SYNE2: variants seen among roughly 807,000 people sequenced by gnomAD.
SYNE2 encodes nesprin-2.
A neutral mutation model predicts 856.3 loss-of-function variants in SYNE2; 431 were observed. The ratio of observed to expected loss-of-function variants is 0.50; its 90% CI spans 0.47 to 0.55. SYNE2 has a LOEUF of 0.55. SYNE2 is among the 20% of genes least tolerant of loss of function. The probability of loss-of-function intolerance (pLI) is 0.00; values close to 1 mark genes in which losing one functional copy is unlikely to be tolerated. For synonymous variants in SYNE2, 2,923 were observed against 2,872.3 expected (o/e 1.02, Z -0.56); for missense variants, 8,129 against 8,023.2 (o/e 1.01, Z -0.50).
rs529215996 is a variant in SYNE2 at position 63,979,105 on chromosome 14, T to A, written c.1569+91T>A. 1.0e-3 allele frequency: 1,437 copies of A among 1,368,898 alleles called. 14 individuals are homozygous for A. In the South Asian group the frequency reaches 0.016, roughly 15 times the overall value. 84.8% of individuals were successfully genotyped at this position (1,368,898 alleles called of 1,614,324 possible). A position where few individuals can be genotyped will look rare whatever the true frequency, so the allele number is the denominator to read the frequency against. ...CTTGGCATGATTTCCCATTAACTCT[T>A]CGGGTTTTGAGATGGGTTTTCTTGG... On this transcript the variant is annotated intron_variant, in intron 14 of 115. Coordinates refer to ENST00000555002, the MANE Select transcript of SYNE2 (RefSeq NM_182914.3).
intron 112 of SYNE2, 140 bp from the exon 113 acceptor site, chr14:64,223,049 T>C (rs1480017067): frequency 5.1e-6 from 4 of 783,580 alleles, no homozygotes; most frequent in Non-Finnish European, 8.8e-6. Flanking sequence ...CACAGGCAGA[T>C]ATGAGAAATA....
chr14:64,081,342 C>G lies in SYNE2; in HGVS notation c.11347-101C>G, dbSNP rs77543507. The G allele has an allele frequency of 0.029, 43,595 of 1,483,862 alleles. 862 individuals are homozygous for G. Among genetic ancestry groups the G allele is most frequent in the Admixed American group, 0.079 (4,665 of 59,348 alleles). The allele number at this position is 1,483,862 out of a possible 1,614,324, so 91.9% of individuals were successfully genotyped here. A position where few individuals can be genotyped will look rare whatever the true frequency, so the allele number is the denominator to read the frequency against. ...CATGGGGAGCAGACATCTGCAAGGC[C>G]TGACACACCCCTGACTAACAGCTAT... On this transcript the variant is annotated intron_variant, in intron 56 of 115. Transcript: ENST00000555002.
intron 2 of SYNE2, among the ~76,000 whole-genome samples, chr14:63,937,874 A>G: frequency 6.6e-6 from 1 of 152,054 alleles, no homozygotes; most frequent in East Asian, 1.9e-4. Flanking sequence ...AATGAAAGGT[A>G]GGATATCCTG....
In SYNE2 at chr14:64,081,481, G is replaced by A. The variant is rs34954189; in HGVS notation, c.11385G>A (p.Lys3795=). ...VKMEEYSDLL[K]STEAWIENTS... The stretch of plus-strand genomic sequence containing the variant: ...TGGAGGAATATAGTGACCTTCTGAA[G>A]AGCACTGAGGCTTGGATAGAAAATA... The change falls in exon 57 of 116, where the codon AAG becomes AAA. Residue 3795 remains lysine (K), a synonymous_variant. Transcript: ENST00000555002. The A allele has an allele frequency of 3.8e-3, 6,126 of 1,614,160 alleles. 216 individuals are homozygous for A. The African/African-American group carries it at 0.073, about 19-fold the overall frequency.
chr14:64,096,251 T>C (rs1348051926), intron 61 of SYNE2, among the ~76,000 whole-genome samples: 1 of 152,224 alleles, frequency 6.6e-6, no homozygotes, highest in Non-Finnish European at 1.5e-5. Context: ...TTACTATAAA[T>C]ACATCAAAGT....
At position 63,956,857 on chromosome 14, in the gene SYNE2, A is replaced by G. The variant is rs1308369713; in HGVS notation, c.787+1942A>G. Among the ~76,000 whole-genome samples, 5 of 152,310 alleles carry G rather than the reference A, an allele frequency of 3.3e-5. No individual in the cohort carries two copies. In the East Asian group the frequency reaches 9.6e-4, roughly 29 times the overall value. On this transcript the variant is annotated intron_variant, in intron 8 of 115. Coordinates refer to ENST00000555002, the MANE Select transcript of SYNE2 (RefSeq NM_182914.3). ...AGTCCTGGAACCAATTCCCGTGTATACCAAGGAGAACTGTATTCACAAAAT... is the reference window on the plus strand; with the variant it reads ...AGTCCTGGAACCAATTCCCGTGTATGCCAAGGAGAACTGTATTCACAAAAT...
chr14:64,219,120 T>G (rs2098681969), intron 109 of SYNE2, 88 bp from the exon 110 acceptor site: 1 of 1,022,460 alleles, frequency 9.8e-7, no homozygotes, highest in South Asian at 1.5e-5. Context: ...TTTTTTTTTT[T>G]TTTTAACCAC....
intron 45 of SYNE2, among the ~76,000 whole-genome samples, chr14:64,037,303 G>T (rs1376296510): frequency 6.6e-6 from 1 of 151,428 alleles, no homozygotes; most frequent in East Asian, 1.9e-4. Context: ...TGTGTCCCTG[G>T]GTACTTGAGA....
intron 2 of SYNE2, among the ~76,000 whole-genome samples, chr14:63,916,476 A>G (rs1329754182): frequency 6.6e-6 from 1 of 152,118 alleles, no homozygotes; most frequent in Non-Finnish European, 1.5e-5. Context: ...GATATTCCTG[A>G]GTTGTTATTG....
At chr14:63,818,215 G>A (rs1889080251) in intron 1 of SYNE2, among the ~76,000 whole-genome samples, 2 of 151,670 alleles carry the variant, frequency 1.3e-5, no homozygotes, top group South Asian at 2.1e-4. Flanking sequence ...CATGCCTGTA[G>A]TCCCAGCTAC....
intron 1 of SYNE2, among the ~76,000 whole-genome samples, chr14:63,883,793 C>T (rs2094919666): frequency 6.6e-6 from 1 of 151,346 alleles, no homozygotes; most frequent in Non-Finnish European, 1.5e-5. Context: ...CAGACACAAG[C>T]TTGAAGTTTT....
At chr14:64,075,769 C>T (rs1206358751) in intron 53 of SYNE2, 176 bp from the exon 54 acceptor site, 2 of 625,116 alleles carry the variant, frequency 3.2e-6, no homozygotes, top group Non-Finnish European at 5.7e-6. Flanking sequence ...TAGAAAGCAT[C>T]ATCTGACTAA....
chr14:64,090,443 T>C (rs530028142), intron 59 of SYNE2, among the ~76,000 whole-genome samples: 6 of 152,348 alleles, frequency 3.9e-5, no homozygotes, highest in Admixed American at 1.3e-4. Context: ...CTGGGACTCA[T>C]GCAGCACAGT....
chr14:63,864,770 G>T (rs1197146966), intron 1 of SYNE2, among the ~76,000 whole-genome samples: 1 of 152,134 alleles, frequency 6.6e-6, no homozygotes, highest in Non-Finnish European at 1.5e-5. Flanking sequence ...AAAAATAAAT[G>T]AATCTGGGAT....
chr14:63,805,157 G>A (rs1055929878), intron 1 of SYNE2, among the ~76,000 whole-genome samples: 1 of 152,212 alleles, frequency 6.6e-6, no homozygotes, highest in African/African-American at 2.4e-5. Context: ...AAGTTGGATA[G>A]TGTGATGCCT....
At chr14:63,769,536 C>T (rs1361864110) in intron 1 of SYNE2, among the ~76,000 whole-genome samples, 2 of 151,988 alleles carry the variant, frequency 1.3e-5, no homozygotes, top group East Asian at 3.9e-4. Flanking sequence ...GGCGTGGTGG[C>T]GGGCGCCGGT....
Position 64,153,766 on chromosome 14 carries a change from A to T in SYNE2, c.15792+1050A>T, listed in dbSNP as rs2098264510. On this transcript the variant is annotated intron_variant, in intron 85 of 115. Transcript: ENST00000555002. ...GATAATTACAATATAATAAAAATAT[A>T]AAGAGAAAATTAAATGAAATAATGC... is the stretch of plus-strand genomic sequence containing the variant. Among the ~76,000 whole-genome samples, 4 of 151,710 alleles carry T rather than the reference A, an allele frequency of 2.6e-5. No individual in the cohort carries two copies. In the South Asian group the frequency reaches 8.3e-4, roughly 31 times the overall value.
intron 1 of SYNE2, among the ~76,000 whole-genome samples, chr14:63,817,610 A>C (rs957553979): frequency 5.9e-5 from 9 of 152,246 alleles, no homozygotes; most frequent in African/African-American, 9.6e-5. Context: ...ATATCCTTTA[A>C]ATTATAGTCA....
At chr14:64,213,209 TGGA>T (rs2098650444) in intron 105 of SYNE2, among the ~76,000 whole-genome samples, 1 of 152,236 alleles carries the variant, frequency 6.6e-6, no homozygotes, top group Non-Finnish European at 1.5e-5. Flanking sequence ...CATTCCCCAG[TGGA>T]AAGCATGGCA....
Sources: allele counts gnomAD v4.1 joint callset (sites outside exome capture counted in the v4.1 genomes callset), GRCh38; gene constraint gnomAD v4.1.1; transcripts MANE v1.5; gene names NCBI Gene and HGNC (gene_info 2026-07-23, HGNC 2026-07-21).